Variants in KIF5A observed in about 807,000 individuals in gnomAD.
The protein encoded by KIF5A is kinesin heavy chain isoform 5A.
Under a neutral mutation model 141.3 loss-of-function variants are expected in KIF5A, and 35 were observed. The ratio of observed to expected loss-of-function variants is 0.25; its 90% CI spans 0.19 to 0.33. The LOEUF (loss-of-function observed/expected upper bound fraction) is 0.33. Among genes scored for constraint, KIF5A ranks in the 10% least tolerant of loss-of-function variants. The pLI is 1.00. For synonymous variants in KIF5A, 448 were observed against 500.2 expected, an observed-to-expected ratio of 0.90 and a Z score of 1.39; for missense variants, 861 against 1,314.3, an observed-to-expected ratio of 0.66 and a Z score of 5.33.
intron 6 of KIF5A, among the ~76,000 whole-genome samples, chr12:57,566,710 C>T (rs995960727): frequency 2.0e-5 from 3 of 151,952 alleles, no homozygotes; most frequent in African/African-American, 4.8e-5. Flanking sequence ...CCACCATGCC[C>T]GCCACTGTTT....
intron 1 of KIF5A, among the ~76,000 whole-genome samples, chr12:57,561,200 C>T (rs1337422314): frequency 1.3e-5 from 2 of 151,618 alleles, no homozygotes; most frequent in Non-Finnish European, 2.9e-5. Flanking sequence ...CCACCACACC[C>T]AGCTAATTTT....
chr12:57,581,367 A>C, intron 24 of KIF5A, 48 bp from the exon 25 acceptor site: 1 of 1,611,158 alleles, frequency 6.2e-7, no homozygotes, highest in Non-Finnish European at 8.5e-7. Context: ...GACCAGGGCA[A>C]ATGCAGGGTC....
intron 1 of KIF5A, among the ~76,000 whole-genome samples, chr12:57,561,785 A>C (rs1043354384): frequency 6.6e-6 from 1 of 152,228 alleles, no homozygotes; most frequent in African/African-American, 2.4e-5. Context: ...CAAAGTAACC[A>C]CTGTTAACAC....
intron 8 of KIF5A, among the ~76,000 whole-genome samples, chr12:57,567,821 T>G (rs1198031207): frequency 6.6e-6 from 1 of 151,202 alleles, no homozygotes; most frequent in Non-Finnish European, 1.5e-5. Context: ...CCACCACGCC[T>G]GGCTAATTTT....
intron 19 of KIF5A, 77 bp from the exon 20 acceptor site, chr12:57,576,684 G>T (rs1882436516): frequency 2.8e-6 from 3 of 1,083,892 alleles, no homozygotes; most frequent in Non-Finnish European, 4.3e-6. Flanking sequence ...AAAGGAAGAA[G>T]TTTGAAGAGC....
chr12:57,583,395 T>C (rs1288279349), intron 28 of KIF5A, among the ~76,000 whole-genome samples, 180 bp downstream of exon 28: 1 of 152,146 alleles, frequency 6.6e-6, no homozygotes, highest in Admixed American at 6.5e-5. Context: ...CCCCATGTAA[T>C]CTGGACGTTG....
chr12:57,550,114 C>A lies in KIF5A; in HGVS notation c.-158C>A. 1.0e-6 allele frequency: 1 copy of A among 966,710 alleles called. No individual in the cohort carries two copies. The highest frequency in any genetic ancestry group is 1.6e-6 in the Non-Finnish European group (1 of 626,952). 59.9% of individuals were successfully genotyped at this position (966,710 alleles called of 1,614,324 possible). A position where few individuals can be genotyped will look rare whatever the true frequency, so the allele number is the denominator to read the frequency against. On this transcript the variant is annotated 5_prime_UTR_variant, in exon 1 of 29. Coordinates refer to ENST00000455537, the MANE Select transcript of KIF5A (RefSeq NM_004984.4). This position sits in a 1 kb window ranked among gnomAD's most constrained non-coding sequence, Gnocchi z 4.6. ...GCCGCAGGAGAGAGACAGCGCGCCCCGGCCCTGCTCCCCAGGCTTCGCCCG... is the reference window on the plus strand; with the variant it reads ...GCCGCAGGAGAGAGACAGCGCGCCCAGGCCCTGCTCCCCAGGCTTCGCCCG...
At chr12:57,557,930 G>A (rs1387876286) in intron 1 of KIF5A, among the ~76,000 whole-genome samples, 1 of 152,040 alleles carries the variant, frequency 6.6e-6, no homozygotes, top group Admixed American at 6.6e-5. Flanking sequence ...GATATGAAAA[G>A]GTTTATATTG....
rs953115859 is a variant in KIF5A at position 57,584,203 on chromosome 12, C to T, written c.*37-15C>T. ...CAAGCTGGGCCCTCACACCCTCTTT[C>T]TCTTTCTTTCCCAGTTTCTAAGAGG... On this transcript the variant is annotated splice_polypyrimidine_tract_variant and intron_variant, in intron 28 of 28. Transcript: ENST00000455537. 6.6e-6 allele frequency: 1 copy of T among 152,630 alleles called. No individual in the cohort carries two copies. The highest frequency in any genetic ancestry group is 1.5e-5 in the Non-Finnish European group (1 of 68,042). 9.5% of individuals were successfully genotyped at this position (152,630 alleles called of 1,614,324 possible). A position where few individuals can be genotyped will look rare whatever the true frequency, so the allele number is the denominator to read the frequency against.
intron 3 of KIF5A, among the ~76,000 whole-genome samples, 173 bp downstream of exon 3, chr12:57,563,866 C>T (rs1195863694): frequency 6.6e-6 from 1 of 152,182 alleles, no homozygotes; most frequent in African/African-American, 2.4e-5. Context: ...ATCCCTCCAA[C>T]CCACTGCAGT....
chr12:57,578,798 G>A (rs1333708962), intron 23 of KIF5A, among the ~76,000 whole-genome samples: 1 of 152,142 alleles, frequency 6.6e-6, no homozygotes, highest in African/African-American at 2.4e-5. Context: ...GCACAGTGGT[G>A]CATGCCTGTA....
intron 20 of KIF5A, 149 bp from the exon 21 acceptor site, chr12:57,577,564 C>T: frequency 1.4e-6 from 1 of 722,600 alleles, no homozygotes; most frequent in East Asian, 2.8e-5. Flanking sequence ...CCACTGTACT[C>T]TATCTAGCCT....
At position 57,580,988 on chromosome 12, in the gene KIF5A, G is replaced by A. The variant is rs747531341; in HGVS notation, c.2571G>A (p.Glu857=). 8 of 1,613,938 alleles carry A rather than the reference G, an allele frequency of 5.0e-6. No homozygotes were observed. The highest frequency in any genetic ancestry group is 5.9e-6 in the Non-Finnish European group (7 of 1,180,018). The change falls in exon 24 of 29, where the codon GAG becomes GAA. Residue 857 remains glutamate (E), a synonymous_variant. Coordinates refer to ENST00000455537, the MANE Select transcript of KIF5A (RefSeq NM_004984.4). ...GTGACAATGCAGATCTGCGTTGTGAGCTTCCTAAATTGGAAAAACGACTTA... is the reference window on the plus strand; with the variant it reads ...GTGACAATGCAGATCTGCGTTGTGAACTTCCTAAATTGGAAAAACGACTTA... The part of the protein sequence containing the change: ...LVRDNADLRC[E]LPKLEKRLRA...
intron 26 of KIF5A, 35 bp from the exon 27 acceptor site, chr12:57,582,567 T>C: frequency 6.3e-7 from 1 of 1,590,292 alleles, no homozygotes; most frequent in South Asian, 1.1e-5. Context: ...TTTTTTCTTC[T>C]TCTAATCCTG....
rs928113459 is a variant in KIF5A at position 57,585,895 on chromosome 12, G to A, written c.*1714G>A. 5.4e-5 allele frequency: 8 copies of A among 149,352 alleles called. No individual in the cohort carries two copies. The highest frequency in any genetic ancestry group is 1.7e-4 in the African/African-American group (7 of 40,652). The allele number at this position is 149,352 out of a possible 1,614,324, so 9.3% of individuals were successfully genotyped here. The stretch of plus-strand genomic sequence containing the variant: ...ACCCCAATATAAAAAATAAAGTAAT[G>A]CAGACCTGGGCAGTTTGCATTTTTT... On this transcript the variant is annotated 3_prime_UTR_variant, in exon 29 of 29. Coordinates refer to ENST00000455537, the MANE Select transcript of KIF5A (RefSeq NM_004984.4).
At chr12:57,556,161 C>T (rs1441884967) in intron 1 of KIF5A, among the ~76,000 whole-genome samples, 4 of 147,076 alleles carry the variant, frequency 2.7e-5, no homozygotes, top group South Asian at 4.3e-4. Context: ...TTTTTTCAGA[C>T]GGAGTCTCGC....
chr12:57,564,257 G>A (rs777613523), intron 4 of KIF5A, 45 bp downstream of exon 4: 3 of 1,377,802 alleles, frequency 2.2e-6, no homozygotes, highest in Non-Finnish European at 2.1e-6. Flanking sequence ...GGACTGGGAG[G>A]GGAAGATCTA....
chr12:57,569,465 G>C (rs529644945), intron 10 of KIF5A, 61 bp downstream of exon 10: 1 of 1,612,882 alleles, frequency 6.2e-7, no homozygotes, highest in South Asian at 1.1e-5. Context: ...AGCCTCTGCG[G>C]CTCTCTCTCC....
chr12:57,564,459 G>T lies in KIF5A; in HGVS notation c.397-1G>T. 2 of 1,610,094 alleles carry T rather than the reference G, an allele frequency of 1.2e-6. No homozygotes were observed. The highest frequency in any genetic ancestry group is 1.1e-5 in the South Asian group (1 of 90,956). On this transcript the variant is annotated splice_acceptor_variant, in intron 4 of 28. Coordinates refer to ENST00000455537, the MANE Select transcript of KIF5A (RefSeq NM_004984.4). LOFTEE classifies it high-confidence loss of function. ...CACACTCCTTCTTTCTTCTTAACCA[G>T]GTTTCTTACTTTGAAATTTACCTGG...
Sources: allele counts gnomAD v4.1 joint callset (sites outside exome capture counted in the v4.1 genomes callset), GRCh38; gene constraint gnomAD v4.1.1; non-coding constraint Gnocchi (gnomAD v3.1); transcripts MANE v1.5; gene names NCBI Gene and HGNC (gene_info 2026-07-23, HGNC 2026-07-21).